Variants in RCC2 observed in about 807,000 individuals in gnomAD.
The protein encoded by RCC2 is regulator of chromosome condensation 2.
Under a neutral mutation model 64.1 loss-of-function variants are expected in RCC2, and 19 were observed. The observed-to-expected ratio is 0.30, with a 90% CI of 0.21 to 0.44. The LOEUF (loss-of-function observed/expected upper bound fraction) is 0.44, where lower values mean the gene tolerates loss of function less well. Among genes scored for constraint, RCC2 ranks in the 20% least tolerant of loss-of-function variants. The pLI is 1.00. For missense variants in RCC2, 508 were observed against 710.4 expected, an observed-to-expected ratio of 0.72 and a Z score of 3.24; for synonymous variants, 325 against 279.6, an observed-to-expected ratio of 1.16 and a Z score of -1.62.
intron 2 of RCC2, among the ~76,000 whole-genome samples, chr1:17,432,874 C>A (rs1000949234): frequency 1.3e-5 from 2 of 152,158 alleles, no homozygotes; most frequent in Non-Finnish European, 2.9e-5. Flanking sequence ...AGGAGAAGGG[C>A]ATGAACCCGG....
chr1:17,437,077 A>T (rs943813825), intron 2 of RCC2, among the ~76,000 whole-genome samples: 8 of 152,204 alleles, frequency 5.3e-5, no homozygotes, highest in Non-Finnish European at 1.2e-4. Flanking sequence ...CAGGAGTTAC[A>T]GCATTTGGAG....
At chr1:17,426,898 G>A (rs2075623389) in intron 3 of RCC2, among the ~76,000 whole-genome samples, 1 of 151,664 alleles carries the variant, frequency 6.6e-6, no homozygotes, top group African/African-American at 2.4e-5. Context: ...GAGTAACTGG[G>A]ATTACAGGCG....
intron 2 of RCC2, among the ~76,000 whole-genome samples, chr1:17,435,402 G>T: frequency 6.6e-6 from 1 of 152,330 alleles, no homozygotes; most frequent in East Asian, 1.9e-4. Flanking sequence ...AACCCTGAGC[G>T]GGGCAAGGCA....
chr1:17,425,163 G>C (rs1339095807), intron 4 of RCC2, among the ~76,000 whole-genome samples: 3 of 152,082 alleles, frequency 2.0e-5, no homozygotes, highest in Admixed American at 2.0e-4. Flanking sequence ...AGCAACAGAG[G>C]TCTCATGTCA....
chr1:17,437,502 A>G (rs1262307821), intron 2 of RCC2, among the ~76,000 whole-genome samples: 1 of 152,166 alleles, frequency 6.6e-6, no homozygotes, highest in Non-Finnish European at 1.5e-5. Context: ...ACCTTAATTA[A>G]GATTTGAGAA....
chr1:17,410,131 T>C (rs1239577877), intron 11 of RCC2, 80 bp from the exon 12 acceptor site: 12 of 1,275,376 alleles, frequency 9.4e-6, no homozygotes, highest in South Asian at 6.1e-5. Flanking sequence ...CAACATTTCC[T>C]GGCCCCCACT....
chr1:17,407,263 C>T lies in RCC2; in HGVS notation c.*1827G>A, dbSNP rs1426500111. On this transcript the variant is annotated 3_prime_UTR_variant, in exon 13 of 13. Coordinates refer to ENST00000375436, the MANE Select transcript of RCC2 (RefSeq NM_018715.4). The stretch of plus-strand genomic sequence containing the variant: ...GGGACCTCGGGTGCTGCGTCCTCAA[C>T]CCTCTCGGTGACCACGGCTCAAAGG... 2.6e-5 allele frequency: 4 copies of T among 152,154 alleles called. No individual in the cohort carries two copies. The highest frequency in any genetic ancestry group is 4.8e-5 in the African/African-American group (2 of 41,408). 9.4% of individuals were successfully genotyped at this position (152,154 alleles called of 1,614,324 possible).
At chr1:17,438,550 A>G (rs1398352036) in intron 1 of RCC2, 28 bp from the exon 2 acceptor site, 3 of 1,303,044 alleles carry the variant, frequency 2.3e-6, no homozygotes, top group Non-Finnish European at 2.9e-6. Flanking sequence ...GCAGCGGCGC[A>G]CAATGGACGG....
intron 3 of RCC2, among the ~76,000 whole-genome samples, chr1:17,428,273 GCCA>G (rs2075638943): frequency 6.6e-6 from 1 of 152,274 alleles, no homozygotes; most frequent in African/African-American, 2.4e-5. Flanking sequence ...TGGGACAAAA[GCCA>G]CCATGTGGAC....
At chr1:17,433,276 T>C (rs1236256137) in intron 2 of RCC2, among the ~76,000 whole-genome samples, 1 of 152,266 alleles carries the variant, frequency 6.6e-6, no homozygotes, top group Non-Finnish European at 1.5e-5. Context: ...ACTTCTTTCC[T>C]CTGCCTTATG....
At position 17,439,642 on chromosome 1, in the gene RCC2, C is replaced by T. The variant is rs1160544355; in HGVS notation, c.-106G>A. ...TTTTTTCCGGCCCAGACGAGGGCTCCAGCCCACTCACCAGATACACTTAAA... is the reference window on the plus strand; with the variant it reads ...TTTTTTCCGGCCCAGACGAGGGCTCTAGCCCACTCACCAGATACACTTAAA... On this transcript the variant is annotated 5_prime_UTR_variant, in exon 1 of 13. Transcript: ENST00000375436. The T allele has an allele frequency of 6.7e-6, 1 of 149,798 alleles. No individual in the cohort carries two copies. Among genetic ancestry groups the T allele is most frequent in the African/African-American group, 2.4e-5 (1 of 41,168 alleles). 9.3% of individuals were successfully genotyped at this position (149,798 alleles called of 1,614,324 possible).
intron 8 of RCC2, among the ~76,000 whole-genome samples, chr1:17,416,141 A>T (rs1425464919): frequency 3.3e-5 from 5 of 151,064 alleles, no homozygotes; most frequent in Non-Finnish European, 7.4e-5. Flanking sequence ...AGTATGGGGC[A>T]CCATCTACTG....
intron 2 of RCC2, among the ~76,000 whole-genome samples, chr1:17,431,359 A>AAAT (rs1553158471): frequency 2.7e-4 from 12 of 44,928 alleles, no homozygotes; most frequent in Admixed American, 7.1e-4. Flanking sequence ...AAAAAAAAAA[A>AAAT]ATATATATAT....
intron 12 of RCC2, 54 bp from the exon 13 acceptor site, chr1:17,409,248 C>T: frequency 2.7e-6 from 3 of 1,123,834 alleles, no homozygotes; most frequent in South Asian, 1.2e-5. Context: ...CTAATCAATG[C>T]GTTGAAGAGA....
At chr1:17,435,379 A>G (rs1242391782) in intron 2 of RCC2, among the ~76,000 whole-genome samples, 2 of 152,056 alleles carry the variant, frequency 1.3e-5, no homozygotes, top group East Asian at 3.9e-4. Context: ...TTTCACACAG[A>G]CCTCCTCCTA....
At chr1:17,416,998 G>A (rs2075494253) in intron 7 of RCC2, among the ~76,000 whole-genome samples, 1 of 152,160 alleles carries the variant, frequency 6.6e-6, no homozygotes, top group Admixed American at 6.5e-5. Flanking sequence ...CTTACAATGG[G>A]TTGCAGTCAA....
chr1:17,424,697 A>AT (rs1256621185), intron 4 of RCC2, among the ~76,000 whole-genome samples: 3 of 152,274 alleles, frequency 2.0e-5, no homozygotes, highest in Non-Finnish European at 4.4e-5. Context: ...AAATGCAGTC[A>AT]TATGGACTAA....
chr1:17,410,133 GC>G, intron 11 of RCC2, 82 bp from the exon 12 acceptor site: 1 of 1,267,124 alleles, frequency 7.9e-7, no homozygotes. Flanking sequence ...ACATTTCCTG[GC>G]CCCCACTAAC....
Position 17,409,488 on chromosome 1 carries a change from TC to T in RCC2, c.1465-295del, listed in dbSNP as rs965542981. On this transcript the variant is annotated intron_variant, in intron 12 of 12. Coordinates refer to ENST00000375436, the MANE Select transcript of RCC2 (RefSeq NM_018715.4). ...GGACATGGCTCCAGCTCCACTTCCA[TC>T]CCCCCCCTCTCTGGCTCACAATCCT... Among the ~76,000 whole-genome samples, 30 of 150,918 alleles carry T rather than the reference TC, an allele frequency of 2.0e-4. 1 individual carries two copies. Among genetic ancestry groups the T allele is most frequent in the South Asian group, 6.3e-4 (3 of 4,746 alleles).
Sources: gnomAD v4.1 joint callset for allele counts (sites outside exome capture counted in the v4.1 genomes callset) on GRCh38, gnomAD v4.1.1 for gene constraint, MANE v1.5 for transcripts, NCBI Gene and HGNC (gene_info 2026-07-23, HGNC 2026-07-21) for gene names.